Variants in PLTP observed in about 807,000 individuals in gnomAD.
The protein encoded by PLTP is phospholipid transfer protein.
PLTP carries 43 observed loss-of-function variants against 54.1 expected under a neutral mutation model. That is an observed-to-expected ratio of 0.79 (90% CI 0.62 to 1.02). The LOEUF (loss-of-function observed/expected upper bound fraction) is 1.02, where lower values mean the gene tolerates loss of function less well. PLTP is among the 50% of genes least tolerant of loss of function. The pLI is 0.00. For synonymous variants in PLTP, 263 were observed against 264.6 expected (o/e 0.99, Z 0.06); for missense variants, 604 against 645.9 (o/e 0.94, Z 0.70).
chr20:45,909,788 T>A (rs378114), intron 4 of PLTP, 117 bp from the exon 5 acceptor site: 6 of 1,414,326 alleles, frequency 4.2e-6, no homozygotes, highest in Non-Finnish European at 5.0e-6. Flanking sequence ...CTACCAAACC[T>A]TCCTATCAAC....
In PLTP at chr20:45,905,040, G is replaced by T. The variant is rs372332604; in HGVS notation, c.784C>A (p.Arg262=). 1 of 1,614,082 alleles carries T rather than the reference G, an allele frequency of 6.2e-7. No homozygotes were observed. The highest frequency in any genetic ancestry group is 1.3e-5 in the African/African-American group (1 of 74,942). Residue 262 remains arginine, a synonymous_variant, in exon 9 of 16, where the codon CGG becomes AGG. Coordinates refer to ENST00000372431, the MANE Select transcript of PLTP (RefSeq NM_006227.4). The part of the protein sequence containing the change: ...AVEPQLQEEE[R]MVYVAFSEFF... ...TCAGAGAAGGCCACATACACCATCC[G>T]CTCTTCCTCCTGCAGCTGGGGCTCC...
At position 45,906,357 on chromosome 20, in the gene PLTP, G is replaced by T; in HGVS notation, c.616C>A (p.Arg206Ser). Residue 206 changes from arginine (R) to serine (S), a missense_variant and splice_region_variant, in exon 8 of 16, where the codon CGC (arginine) becomes AGC (serine). By Grantham distance (110) the Arg-to-Ser change is moderately radical (BLOSUM62 -1). Transcript: ENST00000372431. Reference protein sequence around the residue: ...LNSLLDTVPVRSSVDELVGID... With the variant: ...LNSLLDTVPVSSSVDELVGID... ...CCAACAAGCTCGTCCACAGAACTGC[G>T]CACTGCAGGAAGGGGCTCAAGTCAC... 1 of 1,612,522 alleles carries T rather than the reference G, an allele frequency of 6.2e-7. No homozygotes were observed. The highest frequency in any genetic ancestry group is 8.5e-7 in the Non-Finnish European group (1 of 1,179,018).
At chr20:45,903,890 T>G (rs1032882534) in intron 10 of PLTP, among the ~76,000 whole-genome samples, 2 of 150,806 alleles carry the variant, frequency 1.3e-5, no homozygotes, top group Non-Finnish European at 3.0e-5. Flanking sequence ...ATAGAGACAG[T>G]GTCTCACTGT....
At chr20:45,900,531 A>C (rs183902213) in intron 12 of PLTP, among the ~76,000 whole-genome samples, 21 of 150,374 alleles carry the variant, frequency 1.4e-4, no homozygotes, top group East Asian at 4.0e-4. Flanking sequence ...TTCTTTTTTT[A>C]TTTTTATTTA....
Position 45,904,976 on chromosome 20 carries a change from G to C in PLTP, c.848C>G (p.Ala283Gly), listed in dbSNP as rs142277281. The C allele has an allele frequency of 6.2e-7, 1 of 1,614,218 alleles. No homozygotes were observed. Among genetic ancestry groups the C allele is most frequent in the Non-Finnish European group, 8.5e-7 (1 of 1,180,044 alleles). ...FDSAMESYFRAGALQLLLVGD... is the reference protein window; with the variant it reads ...FDSAMESYFRGGALQLLLVGD... ...CACCAGCAACAGCTGCAGGGCCCCC[G>C]CCCGGAAGTAGCTCTCCATGGCAGA... Residue 283 changes from alanine to glycine, a missense_variant, in exon 9 of 16, where the codon GCG (alanine) becomes GGG (glycine). Ala to Gly is a moderately conservative substitution (Grantham distance 60). Coordinates refer to ENST00000372431, the MANE Select transcript of PLTP (RefSeq NM_006227.4).
chr20:45,909,101 A>G (rs2083265931), intron 5 of PLTP, among the ~76,000 whole-genome samples: 1 of 151,240 alleles, frequency 6.6e-6, no homozygotes, highest in African/African-American at 2.4e-5. Flanking sequence ...CGTAGCTGGG[A>G]CTACAGGCAC....
In PLTP at chr20:45,899,730, G is replaced by A. The variant is rs373792156; in HGVS notation, c.1219-45C>T. The A allele has an allele frequency of 1.9e-4, 311 of 1,612,718 alleles. 2 individuals carry two copies. The highest frequency in any genetic ancestry group is 3.0e-5 in the Non-Finnish European group (35 of 1,178,922). ...AAACAGGGCAGTGAGTCAGGGTTGG[G>A]TTTGCCTTTAGCTGCCCGCAGGTGA... On this transcript the variant is annotated intron_variant, in intron 13 of 15. Transcript: ENST00000372431.
chr20:45,900,485 T>C (rs998941861), intron 12 of PLTP, among the ~76,000 whole-genome samples: 36 of 152,086 alleles, frequency 2.4e-4, no homozygotes, highest in Non-Finnish European at 4.4e-4. Flanking sequence ...AAACTTCACA[T>C]TGCTTAGTTC....
At chr20:45,904,065 A>G (rs2083212701) in intron 10 of PLTP, among the ~76,000 whole-genome samples, 1 of 152,202 alleles carries the variant, frequency 6.6e-6, no homozygotes. Flanking sequence ...GAGGTTATGT[A>G]GTTACTCAGT....
chr20:45,905,218 T>C (rs2083228853), intron 8 of PLTP, 100 bp from the exon 9 acceptor site: 1 of 1,032,998 alleles, frequency 9.7e-7, no homozygotes, highest in Non-Finnish European at 1.5e-6. Context: ...TGTGGGGGGA[T>C]GGTGGGAACC....
intron 7 of PLTP, among the ~76,000 whole-genome samples, chr20:45,906,763 C>T (rs1217852599): frequency 1.5e-5 from 2 of 129,786 alleles, no homozygotes; most frequent in African/African-American, 5.1e-5. Context: ...TGGTGGTGGG[C>T]GCCTGTAATC....
chr20:45,901,894 CT>C (rs1421344069), intron 12 of PLTP, among the ~76,000 whole-genome samples: 3 of 106,622 alleles, frequency 2.8e-5, no homozygotes, highest in Non-Finnish European at 4.0e-5. Context: ...AGCGAAACTC[CT>C]TCTCAAAAAA....
rs2083194078 is a variant in PLTP at position 45,902,330 on chromosome 20, G to A, written c.1112C>T (p.Ala371Val). Residue 371 changes from alanine (A) to valine (V), a missense_variant, in exon 12 of 16, where the codon GCC (alanine) becomes GTC (valine). By Grantham distance (64) the Ala-to-Val change is moderately conservative. Coordinates refer to ENST00000372431, the MANE Select transcript of PLTP (RefSeq NM_006227.4). Reference sequence around the variant, plus strand: ...GAGAGCCATCTTGGCGCTGAGACGGGCGTCCTGCAGGAACATGGGGAGGAG... The same window carrying A: ...GAGAGCCATCTTGGCGCTGAGACGGACGTCCTGCAGGAACATGGGGAGGAG... Reference protein sequence around the residue: ...EVQLSSMTMDARLSAKMALRG... With the variant: ...EVQLSSMTMDVRLSAKMALRG... 1 of 1,614,190 alleles carries A rather than the reference G, an allele frequency of 6.2e-7. No individual in the cohort carries two copies. Among genetic ancestry groups the A allele is most frequent in the African/African-American group, 1.3e-5 (1 of 75,076 alleles).
chr20:45,911,168 A>G lies in PLTP; in HGVS notation c.184T>C (p.Tyr62His). ...PDLRGKEGHF[Y>H]YNISEVKVTE... ...CCCACTTACTCAGAGATGTTGTAGTAGAAGTGGCCTTCTTTGCCCCGCAGG... is the reference window on the plus strand; with the variant it reads ...CCCACTTACTCAGAGATGTTGTAGTGGAAGTGGCCTTCTTTGCCCCGCAGG... Residue 62 changes from tyrosine to histidine, a missense_variant, in exon 3 of 16, where the codon TAC becomes CAC. By Grantham distance (83) the Tyr-to-His change is moderately conservative. Transcript: ENST00000372431. 2 of 1,613,814 alleles carry G rather than the reference A, an allele frequency of 1.2e-6. No homozygotes were observed. Among genetic ancestry groups the G allele is most frequent in the East Asian group, 4.5e-5 (2 of 44,874 alleles).
rs115172363 is a variant in PLTP, at chr20:45,899,126, C to T, written c.1360-63G>A. ...GTTATTGAGGCCAGAGTTTAGAGAT[C>T]AAGAGACAGAGTGTTTGTCTTTCAG... On this transcript the variant is annotated intron_variant, in intron 15 of 15. Coordinates refer to ENST00000372431, the MANE Select transcript of PLTP (RefSeq NM_006227.4). 2,334 of 1,604,208 alleles carry T rather than the reference C, an allele frequency of 1.5e-3. 29 individuals are homozygous for T. In the African/African-American group the frequency reaches 0.028, roughly 20 times the overall value.
chr20:45,899,812 G>GGGCCCCCCCC, intron 13 of PLTP, 24 bp downstream of exon 13: 1 of 309,344 alleles, frequency 3.2e-6, no homozygotes, highest in African/African-American at 5.5e-5. Context: ...ACCCAGCCCA[G>GGGCCCCCCCC]CCCACCCACC....
rs1310895099 is a variant in PLTP, at chr20:45,902,588, T to G, written c.959A>C (p.Asp320Ala). ...SIVLLSPAVI[D>A]SPLKLELRVL... ...CCGCAGCTCCAGCTTCAATGGGGAG[T>G]CAATCACTGCTGGGCTCTGGGGGAT... Residue 320 changes from aspartate to alanine, a missense_variant, in exon 11 of 16, where the codon GAC becomes GCC. Coordinates refer to ENST00000372431, the MANE Select transcript of PLTP (RefSeq NM_006227.4). 4 of 1,611,276 alleles carry G rather than the reference T, an allele frequency of 2.5e-6. No individual in the cohort carries two copies. The highest frequency in any genetic ancestry group is 1.7e-6 in the Non-Finnish European group (2 of 1,178,818).
chr20:45,911,415 G>T lies in PLTP; in HGVS notation c.38C>A (p.Ala13Glu). The change falls in exon 2 of 16, where the codon GCA becomes GAA. Residue 13 changes from alanine (A) to glutamate (E), a missense_variant. By Grantham distance (107) the Ala-to-Glu change is moderately radical. Coordinates refer to ENST00000372431, the MANE Select transcript of PLTP (RefSeq NM_006227.4). ...LFGALFLALL[A>E]GAHAEFPGCK... ...GCCTGGGAACTCTGCATGTGCGCCT[G>T]CCAGCAGCGCTAGGAAGAGGGCCCC... 1 of 1,608,014 alleles carries T rather than the reference G, an allele frequency of 6.2e-7. No individual in the cohort carries two copies. Among genetic ancestry groups the T allele is most frequent in the Non-Finnish European group, 8.5e-7 (1 of 1,179,986 alleles).
chr20:45,907,421 T>C (rs2083250786), intron 7 of PLTP, among the ~76,000 whole-genome samples: 1 of 151,942 alleles, frequency 6.6e-6, no homozygotes, highest in Non-Finnish European at 1.5e-5. Context: ...ACAAATGGGA[T>C]GCCAGTGATC....
Sources: gnomAD v4.1 joint callset for allele counts (sites outside exome capture counted in the v4.1 genomes callset) on GRCh38, gnomAD v4.1.1 for gene constraint, MANE v1.5 for transcripts, NCBI Gene and HGNC (gene_info 2026-07-23, HGNC 2026-07-21) for gene names.